UBLCP1: variants seen among roughly 807,000 people sequenced by gnomAD.
UBLCP1 encodes ubiquitin-like domain-containing CTD phosphatase 1.
A neutral mutation model predicts 42.4 loss-of-function variants in UBLCP1; 28 were observed. That is an observed-to-expected ratio of 0.66 (90% CI 0.49 to 0.90). The LOEUF (loss-of-function observed/expected upper bound fraction) is 0.90. Ranked by LOEUF, UBLCP1 falls within the 40% of genes least tolerant of loss-of-function variation. UBLCP1 has a pLI of 0.00. For missense variants in UBLCP1, 279 were observed against 374.5 expected (o/e 0.75, Z 2.10); for synonymous variants, 122 against 120.8 (o/e 1.01, Z -0.07).
chr5:159,270,521 C>T lies in UBLCP1; in HGVS notation c.333-7C>T, dbSNP rs372934635. Reference sequence around the variant, plus strand: ...AATATTTTATCTAATTATATGTTTTCCATTAGGGAAGAAAACCTACTGAAA... The same window carrying T: ...AATATTTTATCTAATTATATGTTTTTCATTAGGGAAGAAAACCTACTGAAA... On this transcript the variant is annotated splice_region_variant and splice_polypyrimidine_tract_variant and intron_variant, in intron 4 of 10. Coordinates refer to ENST00000296786, the MANE Select transcript of UBLCP1 (RefSeq NM_145049.5). 37 of 1,606,364 alleles carry T rather than the reference C, an allele frequency of 2.3e-5. No homozygotes were observed. In the African/African-American group the frequency reaches 4.6e-4, roughly 20 times the overall value.
At chr5:159,274,451 A>G (rs554108825) in intron 6 of UBLCP1, 134 bp from the exon 7 acceptor site, 20 of 590,168 alleles carry the variant, frequency 3.4e-5, no homozygotes, top group Admixed American at 1.1e-4. Flanking sequence ...GAAAATTACC[A>G]TAAGTATGCT....
At position 159,274,297 on chromosome 5, in the gene UBLCP1, G is replaced by A. The variant is rs73816534; in HGVS notation, c.548-288G>A. 5.7e-3 allele frequency: 1,492 copies of A among 262,906 alleles called. 28 individuals are homozygous for A. Among genetic ancestry groups the A allele is most frequent in the African/African-American group, 0.03 (1,369 of 44,920 alleles). The allele number at this position is 262,906 out of a possible 1,614,324, so 16.3% of individuals were successfully genotyped here. Reference sequence around the variant, plus strand: ...GAGTGTCAGGGCTGATTTAAAAAGAGAGTTTAGGTCTTGATTTATAAATTT... The same window carrying A: ...GAGTGTCAGGGCTGATTTAAAAAGAAAGTTTAGGTCTTGATTTATAAATTT... On this transcript the variant is annotated intron_variant, in intron 6 of 10. Transcript: ENST00000296786.
At position 159,285,323 on chromosome 5, in the gene UBLCP1, GTGTTAT is replaced by G. The variant is rs1753664086; in HGVS notation, c.*396_*401del. 1 of 156,528 alleles carries G rather than the reference GTGTTAT, an allele frequency of 6.4e-6. No individual in the cohort carries two copies. Among genetic ancestry groups the G allele is most frequent in the Non-Finnish European group, 1.4e-5 (1 of 73,166 alleles). The allele number at this position is 156,528 out of a possible 1,614,324, so 9.7% of individuals were successfully genotyped here. ...TTATGTTTTGTGTTTTTGTCTCATTGTGTTATTGTCTGACTAAATCTAAAACCAAAC... is the reference window on the plus strand; with the variant it reads ...TTATGTTTTGTGTTTTTGTCTCATTGTGTCTGACTAAATCTAAAACCAAAC... On this transcript the variant is annotated 3_prime_UTR_variant, in exon 11 of 11. Coordinates refer to ENST00000296786, the MANE Select transcript of UBLCP1 (RefSeq NM_145049.5).
Position 159,285,233 on chromosome 5 carries a change from C to T in UBLCP1, c.*302C>T. 4.2e-6 allele frequency: 1 copy of T among 239,196 alleles called. No homozygotes were observed. Among genetic ancestry groups the T allele is most frequent in the Non-Finnish European group, 7.8e-6 (1 of 128,694 alleles). 14.8% of individuals were successfully genotyped at this position (239,196 alleles called of 1,614,324 possible). A position where few individuals can be genotyped will look rare whatever the true frequency, so the allele number is the denominator to read the frequency against. Reference sequence around the variant, plus strand: ...ACACACACACACACACACACACACACACACACACACAAAGTGGAGAAAAAT... The same window carrying T: ...ACACACACACACACACACACACACATACACACACACAAAGTGGAGAAAAAT... On this transcript the variant is annotated 3_prime_UTR_variant, in exon 11 of 11. Transcript: ENST00000296786.
Position 159,285,048 on chromosome 5 carries a change from T to G in UBLCP1, c.*117T>G, listed in dbSNP as rs946470521. On this transcript the variant is annotated 3_prime_UTR_variant, in exon 11 of 11. Transcript: ENST00000296786. ...GAAGCAAATACCATACTGCTTATAC[T>G]TGGTCTTCCAGTTTTTTGTAAATTT... is the stretch of plus-strand genomic sequence containing the variant. 2 of 931,602 alleles carry G rather than the reference T, an allele frequency of 2.1e-6. No homozygotes were observed. Among genetic ancestry groups the G allele is most frequent in the African/African-American group, 1.7e-5 (1 of 59,528 alleles). The allele number at this position is 931,602 out of a possible 1,614,324, so 57.7% of individuals were successfully genotyped here.
In UBLCP1 at chr5:159,285,239, CACACAAA is replaced by C. The variant is rs760022128; in HGVS notation, c.*309_*315del. 4.3e-3 allele frequency: 970 copies of C among 225,358 alleles called. 26 individuals carry two copies. The highest frequency in any genetic ancestry group is 0.013 in the African/African-American group (453 of 34,170). The allele number at this position is 225,358 out of a possible 1,614,324, so 14.0% of individuals were successfully genotyped here. A position where few individuals can be genotyped will look rare whatever the true frequency, so the allele number is the denominator to read the frequency against. On this transcript the variant is annotated 3_prime_UTR_variant, in exon 11 of 11. Transcript: ENST00000296786. ...ACACACACACACACACACACACACACACACAAAGTGGAGAAAAATGTATACTCAACAA... is the reference window on the plus strand; with the variant it reads ...ACACACACACACACACACACACACACGTGGAGAAAAATGTATACTCAACAA...
intron 1 of UBLCP1, among the ~76,000 whole-genome samples, chr5:159,264,721 C>T (rs913211510): frequency 6.6e-6 from 1 of 152,184 alleles, no homozygotes; most frequent in Non-Finnish European, 1.5e-5. Flanking sequence ...ACACAGATTC[C>T]TAGGTCCCTT....
chr5:159,274,953 C>G lies in UBLCP1; in HGVS notation c.586-195C>G, dbSNP rs116226956. On this transcript the variant is annotated intron_variant, in intron 7 of 10. Transcript: ENST00000296786. ...CTAAAATGGTAAATTAGGAAGTAAT[C>G]TATTTCTATTTTCCTTGGTTTACCA... is the stretch of plus-strand genomic sequence containing the variant. Among the ~76,000 whole-genome samples, 842 of 152,234 alleles carry G rather than the reference C, an allele frequency of 5.5e-3. 8 individuals carry two copies. Among genetic ancestry groups the G allele is most frequent in the African/African-American group, 0.019 (796 of 41,544 alleles).
intron 8 of UBLCP1, among the ~76,000 whole-genome samples, chr5:159,277,189 T>C (rs549510092): frequency 2.5e-4 from 38 of 151,880 alleles, no homozygotes; most frequent in Non-Finnish European, 4.6e-4. Context: ...TAGGGGGCGG[T>C]TTCTATTTCG....
intron 1 of UBLCP1, among the ~76,000 whole-genome samples, chr5:159,267,184 G>A (rs1753408412): frequency 6.6e-6 from 1 of 152,176 alleles, no homozygotes; most frequent in Non-Finnish European, 1.5e-5. Flanking sequence ...GGTTTACCTT[G>A]CAAAGCCACA....
intron 1 of UBLCP1, among the ~76,000 whole-genome samples, chr5:159,266,430 C>G (rs1336146668): frequency 1.3e-5 from 2 of 152,134 alleles, no homozygotes; most frequent in African/African-American, 4.8e-5. Context: ...GATTTGGGTA[C>G]TGTTAAAGGC....
intron 6 of UBLCP1, 152 bp from the exon 7 acceptor site, chr5:159,274,433 A>G: frequency 1.8e-6 from 1 of 552,748 alleles, no homozygotes; most frequent in Non-Finnish European, 3.2e-6. Flanking sequence ...TTTTATCAAT[A>G]TTTAAAAGAA....
rs879528412 is a variant in UBLCP1 at position 159,270,391 on chromosome 5, A to G, written c.278A>G (p.Asp93Gly). 1.4e-5 allele frequency: 22 copies of G among 1,613,392 alleles called. No homozygotes were observed. The Admixed American group carries it at 2.0e-4, about 15-fold the overall frequency. Residue 93 changes from aspartate to glycine, a missense_variant, in exon 4 of 11, where the codon GAT becomes GGT. Physicochemically the swap from Asp to Gly is moderately conservative, Grantham distance 94. Transcript: ENST00000296786. The part of the protein sequence containing the change: ...EDVLGPPPDN[D>G]DVVNDFDIED... ...GTCTTAGGTCCACCCCCTGACAATG[A>G]TGATGTTGTTAATGACTTTGATATT...
chr5:159,264,665 C>G (rs1753353407), intron 1 of UBLCP1, among the ~76,000 whole-genome samples: 1 of 152,200 alleles, frequency 6.6e-6, no homozygotes, highest in Non-Finnish European at 1.5e-5. Context: ...TACTGACTCT[C>G]AAATTTGAGC....
chr5:159,281,867 A>G (rs1398600860), intron 9 of UBLCP1, among the ~76,000 whole-genome samples: 1 of 152,158 alleles, frequency 6.6e-6, no homozygotes, highest in African/African-American at 2.4e-5. Flanking sequence ...TGACCAAAAA[A>G]AAAAAAAACT....
In UBLCP1 at chr5:159,278,214, T is replaced by C. The variant is rs201351262; in HGVS notation, c.685-24T>C. The C allele has an allele frequency of 4.6e-6, 7 of 1,509,298 alleles. No homozygotes were observed. In the East Asian group the frequency reaches 1.6e-4, roughly 34 times the overall value. 93.5% of individuals were successfully genotyped at this position (1,509,298 alleles called of 1,614,324 possible). A position where few individuals can be genotyped will look rare whatever the true frequency, so the allele number is the denominator to read the frequency against. On this transcript the variant is annotated intron_variant, in intron 8 of 10. Transcript: ENST00000296786. Reference sequence around the variant, plus strand: ...GGATGAAATATTGATAAAATTTGAGTTAAATGTAAACTTTTATTCTAAGGT... The same window carrying C: ...GGATGAAATATTGATAAAATTTGAGCTAAATGTAAACTTTTATTCTAAGGT...
chr5:159,283,124 T>G (rs1178180231), intron 9 of UBLCP1, 88 bp from the exon 10 acceptor site: 1 of 1,318,454 alleles, frequency 7.6e-7, no homozygotes, highest in Non-Finnish European at 1.0e-6. Flanking sequence ...TATTTTAACC[T>G]CATTAACTCT....
At position 159,267,331 on chromosome 5, in the gene UBLCP1, C is replaced by G. The variant is rs146137535; in HGVS notation, c.-46-1539C>G. Among the ~76,000 whole-genome samples the G allele has an allele frequency of 2.1e-4, 32 of 152,256 alleles. No individual in the cohort carries two copies. In the East Asian group the frequency reaches 5.8e-3, roughly 28 times the overall value. Reference sequence around the variant, plus strand: ...GCTGGATTTCGGACTTGCATGGGCCCTGTAACCCCTTTGTTTTGGCCAATT... The same window carrying G: ...GCTGGATTTCGGACTTGCATGGGCCGTGTAACCCCTTTGTTTTGGCCAATT... On this transcript the variant is annotated intron_variant, in intron 1 of 10. Transcript: ENST00000296786.
At chr5:159,283,421 A>G in intron 10 of UBLCP1, 82 bp downstream of exon 10, 1 of 1,122,662 alleles carries the variant, frequency 8.9e-7, no homozygotes, top group Non-Finnish European at 1.2e-6. Context: ...CCCAGTATAT[A>G]TATAGCTGTC....
Sources: allele counts gnomAD v4.1 joint callset (sites outside exome capture counted in the v4.1 genomes callset), GRCh38; gene constraint gnomAD v4.1.1; transcripts MANE v1.5; gene names NCBI Gene and HGNC (gene_info 2026-07-23, HGNC 2026-07-21).